GALNT2: variants seen among roughly 807,000 people sequenced by gnomAD.
GALNT2 encodes polypeptide N-acetylgalactosaminyltransferase 2, also known as UDP-GalNAc:polypeptide N-acetylgalactosaminyltransferase 2.
In GALNT2, 31 loss-of-function variants were observed where a neutral mutation model predicts 81.4. The ratio of observed to expected loss-of-function variants is 0.38; its 90% confidence interval spans 0.29 to 0.51. The LOEUF is 0.51. Among genes scored for constraint, GALNT2 ranks in the 20% least tolerant of loss-of-function variants. GALNT2 has a pLI of 0.87. For synonymous variants in GALNT2, 303 were observed against 287.4 expected, an observed-to-expected ratio of 1.05 and a Z score of -0.55; for missense variants, 629 against 765.7, an observed-to-expected ratio of 0.82 and a Z score of 2.11.
chr1:230,216,773 C>T (rs1233987899), intron 3 of GALNT2, among the ~76,000 whole-genome samples: 2 of 152,042 alleles, frequency 1.3e-5, no homozygotes, highest in African/African-American at 2.4e-5. Context: ...CTATGAGGGC[C>T]CATAATCTCC....
intron 8 of GALNT2, among the ~76,000 whole-genome samples, chr1:230,247,284 T>C (rs1467953849): frequency 1.3e-5 from 2 of 152,112 alleles, no homozygotes; most frequent in Non-Finnish European, 2.9e-5. Context: ...TTGGACTTTT[T>C]AGGGAGACTC....
chr1:230,174,939 C>T (rs1230820865), intron 1 of GALNT2, among the ~76,000 whole-genome samples: 1 of 152,224 alleles, frequency 6.6e-6, no homozygotes, highest in Non-Finnish European at 1.5e-5. Flanking sequence ...CGTGTACAGC[C>T]TTCCTGGGGG....
chr1:230,111,626 C>A (rs1203596801), intron 1 of GALNT2, among the ~76,000 whole-genome samples: 1 of 152,220 alleles, frequency 6.6e-6, no homozygotes. Context: ...AGAGCCGATA[C>A]TTGAACAGAA....
At chr1:230,262,775 G>C in intron 12 of GALNT2, 110 bp downstream of exon 12, 1 of 1,324,892 alleles carries the variant, frequency 7.5e-7, no homozygotes, top group South Asian at 1.2e-5. Context: ...TGCCAAGGCG[G>C]GAAGGGGTTG....
At chr1:230,259,330 C>T (rs186265587) in intron 11 of GALNT2, 10 of 152,332 alleles carry the variant, frequency 6.6e-5, no homozygotes, top group Admixed American at 3.9e-4. Flanking sequence ...ACCTTATACA[C>T]ATAGCCTGAA....
intron 1 of GALNT2, chr1:230,058,107 G>A (rs1273540255): frequency 1.1e-5 from 5 of 456,210 alleles, no homozygotes; most frequent in East Asian, 6.9e-5. Context: ...TAAAGTACAC[G>A]TATGTCCTTA....
intron 1 of GALNT2, among the ~76,000 whole-genome samples, chr1:230,141,231 T>G (rs1661720867): frequency 6.6e-6 from 1 of 152,182 alleles, no homozygotes; most frequent in African/African-American, 2.4e-5. Flanking sequence ...ATCCTGCCCA[T>G]CTTAACACTG....
intron 1 of GALNT2, among the ~76,000 whole-genome samples, chr1:230,128,257 A>ATGTGTGTGTGTGTGTGTG (rs59410758): frequency 0.077 from 11,506 of 149,704 alleles, 494 homozygotes; most frequent in Middle Eastern, 0.12. Context: ...GCGCTGGAGA[A>ATGTGTGTGTGTGTGTGTG]TGTGTGTGTG....
intron 11 of GALNT2, among the ~76,000 whole-genome samples, chr1:230,256,261 A>G (rs934537525): frequency 2.6e-5 from 4 of 152,190 alleles, no homozygotes; most frequent in African/African-American, 9.7e-5. Context: ...CAGCCTGGCC[A>G]ACATGGAAAC....
intron 1 of GALNT2, among the ~76,000 whole-genome samples, chr1:230,103,800 A>T (rs1339457262): frequency 6.6e-6 from 1 of 152,040 alleles, no homozygotes; most frequent in African/African-American, 2.4e-5. Context: ...TCAATTCTGA[A>T]ACAAGTTAGC....
In GALNT2 at chr1:230,249,223, C is replaced by T. The variant is rs1479348442; in HGVS notation, c.857C>T (p.Thr286Met). Residue 286 changes from threonine to methionine, a missense_variant, in exon 9 of 16, where the codon ACG becomes ATG. By Grantham distance (81) the Thr-to-Met change is moderately conservative. Coordinates refer to ENST00000366672, the MANE Select transcript of GALNT2 (RefSeq NM_004481.5). Reference sequence around the variant, plus strand: ...TTGGTATTCAAGTGGGATTACATGACGCCTGAGCAGAGAAGGTCCCGGCAG... The same window carrying T: ...TTGGTATTCAAGTGGGATTACATGATGCCTGAGCAGAGAAGGTCCCGGCAG... ...WNLVFKWDYM[T>M]PEQRRSRQGN... 9.9e-6 allele frequency: 16 copies of T among 1,614,056 alleles called. No homozygotes were observed. The highest frequency in any genetic ancestry group is 2.2e-5 in the East Asian group (1 of 44,888).
At chr1:230,118,468 C>T (rs953472017) in intron 1 of GALNT2, among the ~76,000 whole-genome samples, 23 of 152,340 alleles carry the variant, frequency 1.5e-4, no homozygotes, top group South Asian at 8.3e-4. Context: ...TTGACCAGGG[C>T]GGTTAGTCAC....
chr1:230,089,232 C>T (rs1344999125), intron 1 of GALNT2, among the ~76,000 whole-genome samples: 3 of 151,168 alleles, frequency 2.0e-5, no homozygotes, highest in Admixed American at 6.6e-5. Context: ...CAGCAACCTC[C>T]GCCTCCCGGG....
chr1:230,125,694 C>A (rs1490425249), intron 1 of GALNT2, among the ~76,000 whole-genome samples: 6 of 151,836 alleles, frequency 4.0e-5, no homozygotes, highest in Admixed American at 2.0e-4. Context: ...CAGTGAGAAA[C>A]TGTTAAGGTA....
At chr1:230,253,659 C>G (rs1665618207) in intron 10 of GALNT2, among the ~76,000 whole-genome samples, 1 of 152,142 alleles carries the variant, frequency 6.6e-6, no homozygotes, top group African/African-American at 2.4e-5. Context: ...TCCATCATCT[C>G]AAACATGTAG....
At chr1:230,145,195 C>G (rs1655523561) in intron 1 of GALNT2, among the ~76,000 whole-genome samples, 1 of 152,172 alleles carries the variant, frequency 6.6e-6, no homozygotes, top group Admixed American at 6.5e-5. Context: ...CCTCCCCAAC[C>G]CCATTCTCAG....
intron 6 of GALNT2, among the ~76,000 whole-genome samples, chr1:230,241,563 CAG>C (rs1235126447): frequency 6.6e-6 from 1 of 152,158 alleles, no homozygotes; most frequent in Non-Finnish European, 1.5e-5. Context: ...TCTCCTACCT[CAG>C]CCTGCCGAGT....
chr1:230,083,282 C>T (rs1484631117), intron 1 of GALNT2, among the ~76,000 whole-genome samples: 1 of 114,296 alleles, frequency 8.7e-6, no homozygotes, highest in South Asian at 3.0e-4. Flanking sequence ...GTGGGGAGCC[C>T]AGATGTTGGA....
intron 1 of GALNT2, among the ~76,000 whole-genome samples, chr1:230,073,720 C>T (rs575827151): frequency 2.2e-4 from 34 of 152,312 alleles, no homozygotes; most frequent in African/African-American, 5.5e-4. Flanking sequence ...CTCACTGAGG[C>T]GGGCTGTCAC....
Sources: allele counts gnomAD v4.1 joint callset (sites outside exome capture counted in the v4.1 genomes callset), GRCh38; gene constraint gnomAD v4.1.1; transcripts MANE v1.5; gene names NCBI Gene and HGNC (gene_info 2026-07-23, HGNC 2026-07-21).